DNAH9: variants seen among roughly 807,000 people sequenced by gnomAD.
The protein encoded by DNAH9 is dynein axonemal heavy chain 9.
A neutral mutation model predicts 471.6 loss-of-function variants in DNAH9; 345 were observed. The ratio of observed to expected loss-of-function variants is 0.73; its 90% CI spans 0.67 to 0.80. DNAH9 has a LOEUF of 0.80. Among genes scored for constraint, DNAH9 ranks in the 30% least tolerant of loss-of-function variants. The pLI is 0.00. For synonymous variants in DNAH9, 2,093 were observed against 2,123.6 expected (o/e 0.99, Z 0.40); for missense variants, 5,407 against 5,609.2 (o/e 0.96, Z 1.15).
chr17:11,811,577 C>T (rs538531595), intron 45 of DNAH9, among the ~76,000 whole-genome samples: 49 of 152,158 alleles, frequency 3.2e-4, no homozygotes, highest in Non-Finnish European at 6.3e-4. Context: ...ATTCAGCTGA[C>T]TCTTCCTCCT....
chr17:11,668,664 C>CA lies in DNAH9; in HGVS notation c.2732-378dup, dbSNP rs56347198. 3.5e-3 allele frequency among the ~76,000 whole-genome samples: 348 copies of CA among 100,430 alleles called. 4 individuals carry two copies. The highest frequency in any genetic ancestry group is 0.011 in the African/African-American group (297 of 27,092). The allele number at this position is 100,430 out of a possible 152,430, so 65.9% of individuals were successfully genotyped here. On this transcript the variant is annotated intron_variant, in intron 15 of 68. Transcript: ENST00000262442. ...TGGGTGACAGAGTCAGACTGCATCT[C>CA]AAAAAAAAAAAAAAAAAAAAAACAA...
chr17:11,610,792 T>A (rs547631486), intron 3 of DNAH9, among the ~76,000 whole-genome samples: 2 of 152,362 alleles, frequency 1.3e-5, no homozygotes, highest in East Asian at 1.9e-4. Context: ...CACATCAGTA[T>A]GTCCTCTTAC....
chr17:11,701,991 G>A lies in DNAH9; in HGVS notation c.5151+744G>A, dbSNP rs1188082544. 3.3e-5 allele frequency among the ~76,000 whole-genome samples: 5 copies of A among 152,134 alleles called. 1 individual carries two copies. In the Middle Eastern group the frequency reaches 0.014, roughly 414 times the overall value. On this transcript the variant is annotated intron_variant, in intron 24 of 68. Transcript: ENST00000262442. ...GCCTCCGCGCCCGGCCATGACAGGT[G>A]TTTTAATAGGGGAGGCTCAGGGTAC...
chr17:11,622,962 CTTTTTCTTTTTTT>C (rs887198072), intron 6 of DNAH9, among the ~76,000 whole-genome samples: 5 of 118,108 alleles, frequency 4.2e-5, no homozygotes, highest in Non-Finnish European at 8.2e-5. Context: ...CTTTTCTTTT[CTTTTTCTTTTTTT>C]TTTTTTTTTT....
intron 61 of DNAH9, 40 bp from the exon 62 acceptor site, chr17:11,923,774 G>A: frequency 6.2e-7 from 1 of 1,608,520 alleles, no homozygotes; most frequent in Non-Finnish European, 8.5e-7. Context: ...TCCATCATTA[G>A]ACACAAGAAA....
At chr17:11,899,298 T>G (rs1246215448) in intron 59 of DNAH9, among the ~76,000 whole-genome samples, 1 of 152,230 alleles carries the variant, frequency 6.6e-6, no homozygotes, top group Non-Finnish European at 1.5e-5. Context: ...CTGCTTTTAT[T>G]AATATCCTTT....
At chr17:11,727,603 A>C (rs1330058246) in intron 27 of DNAH9, among the ~76,000 whole-genome samples, 1 of 152,234 alleles carries the variant, frequency 6.6e-6, no homozygotes, top group Non-Finnish European at 1.5e-5. Context: ...TTTTCATCCA[A>C]GTGTCTTGAA....
At chr17:11,961,558 G>A (rs1288811076) in intron 67 of DNAH9, among the ~76,000 whole-genome samples, 3 of 152,152 alleles carry the variant, frequency 2.0e-5, no homozygotes, top group Non-Finnish European at 2.9e-5. Context: ...GAACCCACAA[G>A]TGGTTTAAGG....
chr17:11,647,359 A>G (rs1262227972), intron 12 of DNAH9, among the ~76,000 whole-genome samples, 161 bp downstream of exon 12: 4 of 151,988 alleles, frequency 2.6e-5, no homozygotes, highest in African/African-American at 9.7e-5. Flanking sequence ...TACAACCCCT[A>G]CCTCCTGGGT....
rs138652506 is a variant in DNAH9 at position 11,747,586 on chromosome 17, C to T, written c.6430C>T (p.Arg2144Trp). The change falls in exon 32 of 69, where the codon CGG becomes TGG. Residue 2144 changes from arginine (R) to tryptophan (W), a missense_variant. Physicochemically the swap from Arg to Trp is moderately radical, Grantham distance 101. This residue lies in a region of DNAH9 where 4,636 missense variants were observed against 4,900.3 expected (regional missense o/e 0.95). Coordinates refer to ENST00000262442, the MANE Select transcript of DNAH9 (RefSeq NM_001372.4). ...VVQLEELLAVRHSVFVVGGAG... is the reference protein window; with the variant it reads ...VVQLEELLAVWHSVFVVGGAG... Reference sequence around the variant, plus strand: ...CCAGCTGGAGGAGCTCCTGGCTGTGCGGCACTCTGTATTTGTGGTGGGTGG... The same window carrying T: ...CCAGCTGGAGGAGCTCCTGGCTGTGTGGCACTCTGTATTTGTGGTGGGTGG... 4.9e-5 allele frequency: 79 copies of T among 1,613,856 alleles called. No homozygotes were observed. In the East Asian group the frequency reaches 1.3e-3, roughly 26 times the overall value.
intron 38 of DNAH9, among the ~76,000 whole-genome samples, chr17:11,775,771 A>C (rs1204391152): frequency 6.6e-6 from 1 of 151,650 alleles, no homozygotes; most frequent in Non-Finnish European, 1.5e-5. Context: ...TGCCCGGCTA[A>C]TTTTTTGTAT....
chr17:11,903,629 G>T (rs1045052255), intron 60 of DNAH9, among the ~76,000 whole-genome samples: 6 of 152,008 alleles, frequency 3.9e-5, no homozygotes, highest in African/African-American at 1.4e-4. Context: ...ACCAGGGAGG[G>T]CCCGGGCGCG....
At chr17:11,681,738 A>G (rs1245650810) in intron 19 of DNAH9, among the ~76,000 whole-genome samples, 1 of 152,178 alleles carries the variant, frequency 6.6e-6, no homozygotes. Flanking sequence ...TTTTATTTTC[A>G]AAGGTTATTT....
rs1203565892 is a variant in DNAH9 at position 11,629,099 on chromosome 17, A to G, written c.1351-318A>G. On this transcript the variant is annotated intron_variant, in intron 6 of 68. Coordinates refer to ENST00000262442, the MANE Select transcript of DNAH9 (RefSeq NM_001372.4). ...ATGATTTTAACTCTTTTTTTTTTTT[A>G]CTTCTTTTTTTTTTATACTTTAAGT... Among the ~76,000 whole-genome samples the G allele has an allele frequency of 2.2e-5, 3 of 138,626 alleles. No individual in the cohort carries two copies. The East Asian group carries it at 6.3e-4, about 29-fold the overall frequency. 90.9% of individuals were successfully genotyped at this position (138,626 alleles called of 152,430 possible).
In DNAH9 at chr17:11,704,369, G is replaced by A. The variant is rs759673753; in HGVS notation, c.5318G>A (p.Arg1773Gln). 1.7e-5 allele frequency: 27 copies of A among 1,613,960 alleles called. No individual in the cohort carries two copies. The highest frequency in any genetic ancestry group is 8.9e-5 in the East Asian group (4 of 44,878). The change falls in exon 25 of 69, where the codon CGG (arginine) becomes CAG (glutamine). Residue 1773 changes from arginine (R) to glutamine (Q), a missense_variant. By Grantham distance (43) the Arg-to-Gln change is conservative. This residue lies in a region of DNAH9 where 4,636 missense variants were observed against 4,900.3 expected (regional missense o/e 0.95). Transcript: ENST00000262442. ...MLIGQLSKGD[R>Q]QKIMTICTID... ...ATTGGCCAGCTCTCCAAGGGAGACCGGCAGAAGATTATGACTATATGCACC... is the reference window on the plus strand; with the variant it reads ...ATTGGCCAGCTCTCCAAGGGAGACCAGCAGAAGATTATGACTATATGCACC...
At chr17:11,933,835 TG>T in intron 64 of DNAH9, 44 bp from the exon 65 acceptor site, 1 of 1,572,018 alleles carries the variant, frequency 6.4e-7, no homozygotes, top group Non-Finnish European at 8.7e-7. Flanking sequence ...GACGCCTGTG[TG>T]GAGGTCTTTC....
chr17:11,663,730 G>A (rs1433113928), intron 14 of DNAH9, among the ~76,000 whole-genome samples: 1 of 152,210 alleles, frequency 6.6e-6, no homozygotes, highest in Non-Finnish European at 1.5e-5. Flanking sequence ...GACAGTAAGA[G>A]AAGATAGAAC....
chr17:11,761,722 T>G (rs1967676821), intron 35 of DNAH9, among the ~76,000 whole-genome samples: 1 of 152,076 alleles, frequency 6.6e-6, no homozygotes, highest in Non-Finnish European at 1.5e-5. Flanking sequence ...CAAGAGTCCT[T>G]CACCAACTCG....
chr17:11,874,788 A>T (rs1338665523), intron 52 of DNAH9, 161 bp from the exon 53 acceptor site: 15 of 609,998 alleles, frequency 2.5e-5, no homozygotes, highest in Non-Finnish European at 4.0e-5. Context: ...CTTTAATAGA[A>T]CCTGCTTCCA....
Sources: allele counts gnomAD v4.1 joint callset (sites outside exome capture counted in the v4.1 genomes callset), GRCh38; gene constraint gnomAD v4.1.1; regional missense constraint gnomAD v4.1.1; transcripts MANE v1.5; gene names NCBI Gene and HGNC (gene_info 2026-07-23, HGNC 2026-07-21).